LPP: variants seen among roughly 807,000 people sequenced by gnomAD.
LPP encodes the protein LIM domain containing preferred translocation partner in lipoma, also known as lipoma-preferred partner.
LPP carries 38 observed loss-of-function variants against 60.4 expected under a neutral mutation model. The ratio of observed to expected loss-of-function variants is 0.63; its 90% confidence interval spans 0.49 to 0.83. LPP has a LOEUF of 0.83. Ranked by LOEUF, LPP falls within the 40% of genes least tolerant of loss-of-function variation. The pLI is 0.00. For synonymous variants in LPP, 328 were observed against 290.8 expected (o/e 1.13, Z -1.30); for missense variants, 902 against 783.6 (o/e 1.15, Z -1.80).
chr3:188,758,139 CT>C (rs1164383020), intron 8 of LPP, among the ~76,000 whole-genome samples: 3 of 151,884 alleles, frequency 2.0e-5, no homozygotes, highest in African/African-American at 7.3e-5. Flanking sequence ...GTTTCCAATA[CT>C]TTAACTCTTT....
chr3:188,200,336 G>T (rs1037520748), intron 1 of LPP, among the ~76,000 whole-genome samples: 7 of 148,840 alleles, frequency 4.7e-5, no homozygotes, highest in African/African-American at 1.7e-4. Flanking sequence ...CGCAACCTCT[G>T]CCTCCCAGGT....
At chr3:188,758,893 TA>T (rs1382062319) in intron 8 of LPP, 1 of 152,242 alleles carries the variant, frequency 6.6e-6, no homozygotes, top group Admixed American at 6.5e-5. Flanking sequence ...AGTACCTGCA[TA>T]TAGACTGTTG....
At chr3:188,853,156 A>C (rs1763066252) in intron 9 of LPP, among the ~76,000 whole-genome samples, 1 of 152,132 alleles carries the variant, frequency 6.6e-6, no homozygotes, top group Non-Finnish European at 1.5e-5. Flanking sequence ...GTCTCAAAAA[A>C]AAAAAAGGTT....
chr3:188,786,400 A>G (rs1440150012), intron 9 of LPP, among the ~76,000 whole-genome samples: 1 of 150,486 alleles, frequency 6.6e-6, no homozygotes, highest in African/African-American at 2.4e-5. Flanking sequence ...AAAAAAAAAA[A>G]AAAAAAAAAA....
intron 7 of LPP, among the ~76,000 whole-genome samples, chr3:188,627,402 T>G (rs2151662521): frequency 6.6e-6 from 1 of 152,230 alleles, no homozygotes; most frequent in South Asian, 2.1e-4. Flanking sequence ...CAGAGTCCCA[T>G]CTCACATGCA....
At chr3:188,751,862 G>A (rs192266122) in intron 8 of LPP, among the ~76,000 whole-genome samples, 316 of 152,214 alleles carry the variant, frequency 2.1e-3, no homozygotes, top group South Asian at 0.011. Context: ...TCATCACCCC[G>A]GGGTCTACAA....
Position 188,787,387 on chromosome 3 carries a change from A to G in LPP, c.1410+27105A>G, listed in dbSNP as rs952101352. 7.9e-5 allele frequency among the ~76,000 whole-genome samples: 12 copies of G among 152,116 alleles called. 1 individual carries two copies. The highest frequency in any genetic ancestry group is 2.9e-5 in the Non-Finnish European group (2 of 68,020). Reference sequence around the variant, plus strand: ...TAAATATAAATTTAAAATCAAAATTAAAAACCCTTTGACAACTTTAGATCT... The same window carrying G: ...TAAATATAAATTTAAAATCAAAATTGAAAACCCTTTGACAACTTTAGATCT... On this transcript the variant is annotated intron_variant, in intron 9 of 11. Coordinates refer to ENST00000617246, the MANE Select transcript of LPP (RefSeq NM_001375462.1).
At chr3:188,165,660 G>A (rs970166236) in intron 1 of LPP, among the ~76,000 whole-genome samples, 1 of 152,198 alleles carries the variant, frequency 6.6e-6, no homozygotes, top group Non-Finnish European at 1.5e-5. Context: ...TGTGCTAGAC[G>A]GATTGAAGGC....
intron 9 of LPP, among the ~76,000 whole-genome samples, chr3:188,831,042 A>C (rs553252412): frequency 2.6e-5 from 4 of 152,318 alleles, no homozygotes; most frequent in Admixed American, 2.0e-4. Context: ...TGTAGCAAAG[A>C]TCTGTAGGCT....
chr3:188,241,196 C>G (rs188775563), intron 2 of LPP, among the ~76,000 whole-genome samples: 2 of 152,300 alleles, frequency 1.3e-5, no homozygotes, highest in Admixed American at 6.5e-5. Context: ...ATGGATAGAA[C>G]TACTGATATA....
chr3:188,888,565 A>T lies in LPP; in HGVS notation c.*14086A>T, dbSNP rs1290863092. The T allele has an allele frequency of 4.4e-6, 1 of 226,532 alleles. No individual in the cohort carries two copies. The highest frequency in any genetic ancestry group is 2.2e-5 in the African/African-American group (1 of 44,984). The allele number at this position is 226,532 out of a possible 1,614,324, so 14.0% of individuals were successfully genotyped here. On this transcript the variant is annotated 3_prime_UTR_variant, in exon 12 of 12. Transcript: ENST00000617246. ...CAGCATACACATCAGCAAAGTGAGA[A>T]GATGAGCACTAAATATAGGCTCTAT...
intron 2 of LPP, among the ~76,000 whole-genome samples, chr3:188,240,674 T>G (rs954419125): frequency 1.3e-5 from 2 of 151,662 alleles, no homozygotes; most frequent in East Asian, 1.9e-4. Context: ...TCATGTCAAC[T>G]AGTAAGGCTG....
At chr3:188,549,477 T>C (rs1827508089) in intron 6 of LPP, among the ~76,000 whole-genome samples, 1 of 152,242 alleles carries the variant, frequency 6.6e-6, no homozygotes, top group African/African-American at 2.4e-5. Context: ...GCATGACTGA[T>C]AGTTCAGTGA....
chr3:188,841,567 T>G (rs1448574881), intron 9 of LPP, among the ~76,000 whole-genome samples: 1 of 152,056 alleles, frequency 6.6e-6, no homozygotes, highest in Non-Finnish European at 1.5e-5. Flanking sequence ...AATTTTTGTA[T>G]TTTCAGTAGA....
chr3:188,830,139 T>C (rs1279912033), intron 9 of LPP, among the ~76,000 whole-genome samples: 1 of 152,028 alleles, frequency 6.6e-6, no homozygotes, highest in Non-Finnish European at 1.5e-5. Context: ...GTGTGAAAGA[T>C]AGAAATGGAC....
chr3:188,492,784 A>G (rs1808786095), intron 5 of LPP, among the ~76,000 whole-genome samples: 1 of 152,192 alleles, frequency 6.6e-6, no homozygotes, highest in Non-Finnish European at 1.5e-5. Flanking sequence ...ATGAGGGAAA[A>G]ATTATGATCT....
intron 3 of LPP, among the ~76,000 whole-genome samples, chr3:188,405,384 C>G (rs1479043868): frequency 6.6e-6 from 1 of 152,176 alleles, no homozygotes; most frequent in African/African-American, 2.4e-5. Flanking sequence ...GCTGAGCTGT[C>G]TGTGCTTTGG....
intron 1 of LPP, among the ~76,000 whole-genome samples, chr3:188,189,210 C>T (rs1224499961): frequency 1.8e-4 from 28 of 152,166 alleles, no homozygotes; most frequent in Admixed American, 1.8e-3. Flanking sequence ...CCTCAGCTTC[C>T]TGAGTAGCTG....
At chr3:188,369,886 G>A (rs983839651) in intron 3 of LPP, among the ~76,000 whole-genome samples, 2 of 152,134 alleles carry the variant, frequency 1.3e-5, no homozygotes, top group African/African-American at 2.4e-5. Context: ...TTGTGATTTT[G>A]TCAGGCAGTC....
Sources: allele counts gnomAD v4.1 joint callset (sites outside exome capture counted in the v4.1 genomes callset), GRCh38; gene constraint gnomAD v4.1.1; transcripts MANE v1.5; gene names NCBI Gene and HGNC (gene_info 2026-07-23, HGNC 2026-07-21).